Variants in NKD1 observed in about 807,000 individuals in gnomAD.
The protein encoded by NKD1 is protein naked cuticle homolog 1.
In NKD1, 21 loss-of-function variants were observed where a neutral mutation model predicts 56.0. The ratio of observed to expected loss-of-function variants is 0.38; its 90% CI spans 0.27 to 0.54. The LOEUF (loss-of-function observed/expected upper bound fraction) is 0.54, where lower values mean the gene tolerates loss of function less well. NKD1 is among the 20% of genes least tolerant of loss of function. The pLI is 0.82. For synonymous variants in NKD1, 263 were observed against 265.7 expected, an observed-to-expected ratio of 0.99 and a Z score of 0.10; for missense variants, 578 against 642.7, an observed-to-expected ratio of 0.90 and a Z score of 1.09.
chr16:50,548,930 C>A, intron 2 of NKD1, 181 bp downstream of exon 2: 1 of 945,790 alleles, frequency 1.1e-6, no homozygotes, highest in Non-Finnish European at 1.3e-6. Flanking sequence ...CCCTCCTACC[C>A]GCTCCCCGCG....
At position 50,643,689 on chromosome 16, in the gene NKD1, TC is replaced by T. The variant is rs1360139956; in HGVS notation, c.*9910del. The T allele has an allele frequency of 6.6e-6, 1 of 152,266 alleles. No homozygotes were observed. The highest frequency in any genetic ancestry group is 2.4e-5 in the African/African-American group (1 of 41,466). 9.4% of individuals were successfully genotyped at this position (152,266 alleles called of 1,614,324 possible). On this transcript the variant is annotated 3_prime_UTR_variant, in exon 10 of 10. Coordinates refer to ENST00000268459, the MANE Select transcript of NKD1 (RefSeq NM_033119.5). Reference sequence around the variant, plus strand: ...TCCTAGGGGAAATACAGGGTTAGGTTCCTGCCAGCTTCTGGTCACAACATTT... The same window carrying T: ...TCCTAGGGGAAATACAGGGTTAGGTTCTGCCAGCTTCTGGTCACAACATTT...
intron 3 of NKD1, among the ~76,000 whole-genome samples, chr16:50,571,259 T>C (rs1960876664): frequency 6.6e-6 from 1 of 152,180 alleles, no homozygotes; most frequent in Admixed American, 6.5e-5. Context: ...AGATCACTGT[T>C]TGAGAGACAC....
chr16:50,613,121 G>A (rs1184872287), intron 4 of NKD1, among the ~76,000 whole-genome samples: 1 of 152,150 alleles, frequency 6.6e-6, no homozygotes, highest in Non-Finnish European at 1.5e-5. Context: ...ATTTGGCGGT[G>A]TCACTTCTGA....
intron 3 of NKD1, among the ~76,000 whole-genome samples, chr16:50,601,156 C>T (rs1390618867): frequency 6.6e-6 from 1 of 152,192 alleles, no homozygotes; most frequent in Non-Finnish European, 1.5e-5. Context: ...GTGGAGTCTG[C>T]GGGTGAAGCT....
chr16:50,625,275 C>G (rs1413777222), intron 5 of NKD1: 4 of 589,874 alleles, frequency 6.8e-6, no homozygotes. Flanking sequence ...TGCAGGCATC[C>G]CTCCCCAGGC....
chr16:50,549,650 G>A, intron 3 of NKD1, 95 bp downstream of exon 3: 1 of 1,218,220 alleles, frequency 8.2e-7, no homozygotes, highest in Non-Finnish European at 1.1e-6. Context: ...GCACTTTCCT[G>A]CACAGCTTCT....
Position 50,646,652 on chromosome 16 carries a change from T to G in NKD1, c.*12871T>G, listed in dbSNP as rs1684587623. 6.6e-6 allele frequency: 1 copy of G among 152,116 alleles called. No homozygotes were observed. Among genetic ancestry groups the G allele is most frequent in the African/African-American group, 2.4e-5 (1 of 41,364 alleles). The allele number at this position is 152,116 out of a possible 1,614,324, so 9.4% of individuals were successfully genotyped here. A position where few individuals can be genotyped will look rare whatever the true frequency, so the allele number is the denominator to read the frequency against. On this transcript the variant is annotated 3_prime_UTR_variant, in exon 10 of 10. Transcript: ENST00000268459. ...GCCTTAATGGGGAAAACAAGAACACTGTCACTCGTAATGGGCATGAAAGGA... is the reference window on the plus strand; with the variant it reads ...GCCTTAATGGGGAAAACAAGAACACGGTCACTCGTAATGGGCATGAAAGGA...
intron 3 of NKD1, among the ~76,000 whole-genome samples, chr16:50,585,523 G>C (rs1051043430): frequency 6.6e-6 from 1 of 152,234 alleles, no homozygotes; most frequent in African/African-American, 2.4e-5. Flanking sequence ...CGTGGGGCCC[G>C]GATGCCGGGA....
chr16:50,571,693 C>A, intron 3 of NKD1: 1 of 213,900 alleles, frequency 4.7e-6, no homozygotes, highest in Non-Finnish European at 8.0e-6. Context: ...TTGCCCACTG[C>A]TCACCATGGT....
At position 50,598,229 on chromosome 16, in the gene NKD1, C is replaced by CTG. The variant is rs5816707; in HGVS notation, c.193-10032_193-10031dup. On this transcript the variant is annotated intron_variant, in intron 3 of 9. Transcript: ENST00000268459. The surrounding 1 kb of genome is among the most constrained non-coding windows in gnomAD (Gnocchi z 4.2). Reference sequence around the variant, plus strand: ...CACTGCAGGGCCGCATGGGTGGACTCTGTGTGTGTGTGTGTGTGTGTGTGT... The same window carrying CTG: ...CACTGCAGGGCCGCATGGGTGGACTCTGTGTGTGTGTGTGTGTGTGTGTGTGT... 0.36 allele frequency among the ~76,000 whole-genome samples: 51,815 copies of CTG among 143,766 alleles called. 9,083 individuals are homozygous for CTG. Among genetic ancestry groups the CTG allele is most frequent in the South Asian group, 0.41 (1,802 of 4,420 alleles). The allele number at this position is 143,766 out of a possible 152,430, so 94.3% of individuals were successfully genotyped here. A position where few individuals can be genotyped will look rare whatever the true frequency, so the allele number is the denominator to read the frequency against.
chr16:50,603,748 C>T (rs1961648489), intron 3 of NKD1, among the ~76,000 whole-genome samples: 1 of 152,228 alleles, frequency 6.6e-6, no homozygotes, highest in Non-Finnish European at 1.5e-5. Flanking sequence ...GTTTTCCCAT[C>T]CCCGGAGGCC....
intron 4 of NKD1, among the ~76,000 whole-genome samples, chr16:50,608,965 A>G (rs1359595999): frequency 1.3e-5 from 2 of 152,220 alleles, no homozygotes; most frequent in African/African-American, 4.8e-5. Context: ...CTAGGACTAC[A>G]GTTGCATGCC....
At chr16:50,554,378 G>A (rs931525781) in intron 3 of NKD1, among the ~76,000 whole-genome samples, 2 of 152,108 alleles carry the variant, frequency 1.3e-5, no homozygotes, top group Admixed American at 6.5e-5. Flanking sequence ...AACTGTCCCC[G>A]CGAGGGCAGG....
chr16:50,596,477 A>G (rs1486768184), intron 3 of NKD1, among the ~76,000 whole-genome samples: 1 of 152,026 alleles, frequency 6.6e-6, no homozygotes, highest in Non-Finnish European at 1.5e-5. Context: ...AGCACCGGGC[A>G]CCATTTCTGG....
In NKD1 at chr16:50,573,756, T is replaced by C. The variant is rs566572783; in HGVS notation, c.192+24201T>C. ...GTGTATTAGAATAGCTTGGGGAAAA[T>C]TGAATAACCTGGGTTCAGCTCCTGG... On this transcript the variant is annotated intron_variant, in intron 3 of 9. Transcript: ENST00000268459. The C allele has an allele frequency of 6.3e-6, 6 of 946,738 alleles. No homozygotes were observed. The South Asian group carries it at 2.9e-4, about 46-fold the overall frequency. 58.6% of individuals were successfully genotyped at this position (946,738 alleles called of 1,614,324 possible). A position where few individuals can be genotyped will look rare whatever the true frequency, so the allele number is the denominator to read the frequency against.
chr16:50,645,117 A>C lies in NKD1; in HGVS notation c.*11336A>C, dbSNP rs1962651614. Reference sequence around the variant, plus strand: ...TGTTCATCCGTACTTTCAAAGATTTAGTGATCAAGTACTATGTGTCAGGAA... The same window carrying C: ...TGTTCATCCGTACTTTCAAAGATTTCGTGATCAAGTACTATGTGTCAGGAA... On this transcript the variant is annotated 3_prime_UTR_variant, in exon 10 of 10. Transcript: ENST00000268459. The C allele has an allele frequency of 6.6e-6, 1 of 152,226 alleles. No individual in the cohort carries two copies. The highest frequency in any genetic ancestry group is 6.5e-5 in the Admixed American group (1 of 15,278). 9.4% of individuals were successfully genotyped at this position (152,226 alleles called of 1,614,324 possible).
At chr16:50,625,274 C>G in intron 5 of NKD1, 1 of 590,088 alleles carries the variant, frequency 1.7e-6, no homozygotes. Flanking sequence ...CTGCAGGCAT[C>G]CCTCCCCAGG....
intron 3 of NKD1, chr16:50,556,753 A>G (rs887482908): frequency 1.4e-5 from 2 of 138,780 alleles, no homozygotes; most frequent in African/African-American, 5.6e-5. Context: ...TTTTTTTTAA[A>G]TTTAGAGACA....
At chr16:50,606,718 G>T in intron 3 of NKD1, 1 of 440,770 alleles carries the variant, frequency 2.3e-6, no homozygotes. Flanking sequence ...AGTGCAGTCA[G>T]GGTGGCAGGC....
Sources: gnomAD v4.1 joint callset for allele counts (sites outside exome capture counted in the v4.1 genomes callset) on GRCh38, gnomAD v4.1.1 for gene constraint, Gnocchi (gnomAD v3.1) non-coding constraint, MANE v1.5 for transcripts, NCBI Gene and HGNC (gene_info 2026-07-23, HGNC 2026-07-21) for gene names.